Variants in SLC12A7 observed in about 807,000 individuals in gnomAD.
SLC12A7 encodes the protein solute carrier family 12 member 7.
Under a neutral mutation model 120.6 loss-of-function variants are expected in SLC12A7, and 100 were observed. That is an observed-to-expected ratio of 0.83 (90% CI 0.71 to 0.98). The LOEUF (loss-of-function observed/expected upper bound fraction) is 0.98. SLC12A7 is among the 50% of genes least tolerant of loss of function. SLC12A7 has a pLI of 0.00. For synonymous variants in SLC12A7, 760 were observed against 678.0 expected (o/e 1.12, Z -1.88); for missense variants, 1,373 against 1,548.1 (o/e 0.89, Z 1.90).
chr5:1,134,481 A>T, the SLC12A7 span, among the ~76,000 whole-genome samples: 2 of 151,958 alleles, frequency 1.3e-5, no homozygotes, highest in South Asian at 2.1e-4. Flanking sequence ...AAAAAAAAAA[A>T]TTTGAACACC....
the SLC12A7 span, among the ~76,000 whole-genome samples, chr5:1,145,712 A>G: frequency 1.3e-4 from 20 of 152,256 alleles, no homozygotes; most frequent in African/African-American, 4.6e-4. This position sits in a 1 kb window ranked among gnomAD's most constrained non-coding sequence, Gnocchi z 4.4. Context: ...TGATTTAATC[A>G]AACTGGCCTC....
intron 1 of SLC12A7, among the ~76,000 whole-genome samples, chr5:1,103,539 T>A (rs769218457): frequency 6.6e-6 from 1 of 152,088 alleles, no homozygotes; most frequent in Admixed American, 6.5e-5. Context: ...ACTCACACGC[T>A]TCCCCCCTCA....
rs753129728 is a variant in SLC12A7 at position 1,078,022 on chromosome 5, G to A, written c.1455-15C>T. 3 of 1,545,226 alleles carry A rather than the reference G, an allele frequency of 1.9e-6. No individual in the cohort carries two copies. In the African/African-American group the frequency reaches 4.1e-5, roughly 21 times the overall value. ...CCTCCCCGAACCTGCAGGCAGGCGG[G>A]CAGGCGGGCGGGCGGCTTTCAGAAG... On this transcript the variant is annotated splice_polypyrimidine_tract_variant and intron_variant, in intron 11 of 23. Coordinates refer to ENST00000264930, the MANE Select transcript of SLC12A7 (RefSeq NM_006598.3).
intron 17 of SLC12A7, among the ~76,000 whole-genome samples, chr5:1,066,477 G>A (rs948505724): frequency 6.6e-6 from 1 of 152,178 alleles, no homozygotes; most frequent in Non-Finnish European, 1.5e-5. Context: ...TACATGTGTG[G>A]CAGATATGAA....
At chr5:1,078,842 T>TG in intron 10 of SLC12A7, 84 bp from the exon 11 acceptor site, 8 of 17,384 alleles carry the variant, frequency 4.6e-4, no homozygotes, top group South Asian at 2.5e-3. Flanking sequence ...GTGGGGTGGG[T>TG]GGGGAGATGC....
At chr5:1,065,107 T>A (rs1308370682) in intron 18 of SLC12A7, among the ~76,000 whole-genome samples, 176 bp downstream of exon 18, 1 of 83,082 alleles carries the variant, frequency 1.2e-5, no homozygotes, top group African/African-American at 5.0e-5. Context: ...CAGGGGACAG[T>A]GAGGGGACGG....
At chr5:1,146,953 G>A in the SLC12A7 span, among the ~76,000 whole-genome samples, 8 of 152,260 alleles carry the variant, frequency 5.3e-5, no homozygotes, top group African/African-American at 1.9e-4. This position sits in a 1 kb window ranked among gnomAD's most constrained non-coding sequence, Gnocchi z 6.5. Flanking sequence ...CCCGAGGGCC[G>A]TGTCACTGCA....
the SLC12A7 span, among the ~76,000 whole-genome samples, chr5:1,139,486 G>A: frequency 6.6e-6 from 1 of 152,278 alleles, no homozygotes; most frequent in African/African-American, 2.4e-5. Context: ...GGGCCTTGCC[G>A]GCTTGGCCTT....
chr5:1,128,289 C>T, the SLC12A7 span, among the ~76,000 whole-genome samples: 4 of 152,230 alleles, frequency 2.6e-5, no homozygotes, highest in African/African-American at 9.6e-5. Context: ...TGATCTGCAG[C>T]ACAAGAGCCA....
chr5:1,146,432 G>A, the SLC12A7 span, among the ~76,000 whole-genome samples: 2 of 152,196 alleles, frequency 1.3e-5, no homozygotes, highest in African/African-American at 2.4e-5. The surrounding 1 kb of genome is among the most constrained non-coding windows in gnomAD (Gnocchi z 6.5). Context: ...GTGGTGGCCT[G>A]CTGAGAGGTG....
At chr5:1,149,228 C>T in the SLC12A7 span, among the ~76,000 whole-genome samples, 2 of 151,742 alleles carry the variant, frequency 1.3e-5, no homozygotes, top group African/African-American at 2.4e-5. Flanking sequence ...CCACAAGCAG[C>T]GCACAAGGGT....
At chr5:1,103,894 C>A (rs1341779226) in intron 1 of SLC12A7, among the ~76,000 whole-genome samples, 2 of 152,256 alleles carry the variant, frequency 1.3e-5, no homozygotes, top group Non-Finnish European at 2.9e-5. Flanking sequence ...CCTCAGCAGC[C>A]AGAGTGACGT....
At chr5:1,089,605 G>C (rs1229783298) in intron 3 of SLC12A7, among the ~76,000 whole-genome samples, 4 of 149,958 alleles carry the variant, frequency 2.7e-5, no homozygotes, top group Non-Finnish European at 5.9e-5. Context: ...ACAGCTCAGC[G>C]TCGGCCCTGG....
At position 1,052,181 on chromosome 5, in the gene SLC12A7, G is replaced by A. The variant is rs1470433781; in HGVS notation, c.*179C>T. 2 of 613,426 alleles carry A rather than the reference G, an allele frequency of 3.3e-6. No individual in the cohort carries two copies. The highest frequency in any genetic ancestry group is 1.9e-5 in the South Asian group (1 of 52,460). The allele number at this position is 613,426 out of a possible 1,614,324, so 38.0% of individuals were successfully genotyped here. A position where few individuals can be genotyped will look rare whatever the true frequency, so the allele number is the denominator to read the frequency against. Reference sequence around the variant, plus strand: ...CTGATTTGCTGAGCCTGTTAAGGCTGAACAGGAGAGCCCTAGGTGACGGGC... The same window carrying A: ...CTGATTTGCTGAGCCTGTTAAGGCTAAACAGGAGAGCCCTAGGTGACGGGC... On this transcript the variant is annotated 3_prime_UTR_variant, in exon 24 of 24. Transcript: ENST00000264930.
intron 20 of SLC12A7, 47 bp from the exon 21 acceptor site, chr5:1,060,498 C>T (rs376964932): frequency 1.3e-5 from 18 of 1,427,722 alleles, no homozygotes; most frequent in African/African-American, 8.4e-5. Context: ...CACAGAACCA[C>T]GGATGGCTCC....
chr5:1,143,629 T>C, the SLC12A7 span, among the ~76,000 whole-genome samples: 1 of 152,172 alleles, frequency 6.6e-6, no homozygotes, highest in Non-Finnish European at 1.5e-5. Flanking sequence ...GCTGTCTGTG[T>C]CCTGCATGCG....
intron 1 of SLC12A7, among the ~76,000 whole-genome samples, chr5:1,108,259 C>T (rs778681452): frequency 2.6e-5 from 4 of 152,338 alleles, no homozygotes; most frequent in Non-Finnish European, 5.9e-5. Context: ...AGCCTCTTGC[C>T]GGGAGACAGC....
chr5:1,053,615 C>T, intron 22 of SLC12A7, 133 bp from the exon 23 acceptor site: 1 of 1,208,808 alleles, frequency 8.3e-7, no homozygotes, highest in Non-Finnish European at 1.1e-6. Context: ...CAGGCGGATT[C>T]TCTGACCCTG....
intron 3 of SLC12A7, among the ~76,000 whole-genome samples, chr5:1,089,393 G>A (rs542711115): frequency 1.2e-4 from 18 of 152,238 alleles, no homozygotes; most frequent in African/African-American, 3.6e-4. Flanking sequence ...CCTCCCCGAC[G>A]GAGGGAAACC....
Sources: gnomAD v4.1 joint callset for allele counts (sites outside exome capture counted in the v4.1 genomes callset) on GRCh38, gnomAD v4.1.1 for gene constraint, Gnocchi (gnomAD v3.1) non-coding constraint, MANE v1.5 for transcripts, NCBI Gene and HGNC (gene_info 2026-07-23, HGNC 2026-07-21) for gene names.